MAP4K3: variants seen among roughly 807,000 people sequenced by gnomAD.
MAP4K3 encodes the protein mitogen-activated protein kinase kinase kinase kinase 3.
A neutral mutation model predicts 143.5 loss-of-function variants in MAP4K3; 94 were observed. That is an observed-to-expected ratio of 0.65 (90% confidence interval 0.55 to 0.78). The LOEUF (loss-of-function observed/expected upper bound fraction) is 0.78. Among genes scored for constraint, MAP4K3 ranks in the 30% least tolerant of loss-of-function variants. MAP4K3 has a pLI of 0.00. For synonymous variants in MAP4K3, 416 were observed against 347.2 expected (o/e 1.20, Z -2.20); for missense variants, 1,077 against 1,068.1 (o/e 1.01, Z -0.12).
At chr2:39,288,506 A>G (rs1681892583) in intron 19 of MAP4K3, among the ~76,000 whole-genome samples, 1 of 152,168 alleles carries the variant, frequency 6.6e-6, no homozygotes, top group South Asian at 2.1e-4. Context: ...GCTGCTGTGC[A>G]AATAAAAGGG....
intron 26 of MAP4K3, among the ~76,000 whole-genome samples, chr2:39,269,834 T>C (rs1680937726): frequency 6.6e-6 from 1 of 152,044 alleles, no homozygotes; most frequent in African/African-American, 2.4e-5. Context: ...AACACCTCAT[T>C]GTACCCTTGA....
intron 1 of MAP4K3, among the ~76,000 whole-genome samples, chr2:39,390,291 C>T (rs1190006162): frequency 6.6e-6 from 1 of 152,148 alleles, no homozygotes; most frequent in Non-Finnish European, 1.5e-5. Flanking sequence ...GCCAGTAGCA[C>T]CTACACTGAG....
chr2:39,282,393 T>C (rs1681575459), intron 22 of MAP4K3, 120 bp downstream of exon 22: 1 of 799,744 alleles, frequency 1.3e-6, no homozygotes, highest in Non-Finnish European at 2.1e-6. Flanking sequence ...ATTAGCAATC[T>C]TATAGATTTT....
At chr2:39,322,292 C>G (rs1189016078) in intron 12 of MAP4K3, among the ~76,000 whole-genome samples, 2 of 152,234 alleles carry the variant, frequency 1.3e-5, no homozygotes, top group East Asian at 3.9e-4. Flanking sequence ...TATTAATGAA[C>G]ATGGATGAAA....
chr2:39,431,986 T>A (rs1264181402), intron 1 of MAP4K3, among the ~76,000 whole-genome samples: 3 of 152,194 alleles, frequency 2.0e-5, no homozygotes, highest in Non-Finnish European at 4.4e-5. Flanking sequence ...AGAGAGTCTC[T>A]CAGCCAGCAA....
At chr2:39,404,724 C>G (rs924400885) in intron 1 of MAP4K3, among the ~76,000 whole-genome samples, 6 of 149,082 alleles carry the variant, frequency 4.0e-5, no homozygotes, top group Non-Finnish European at 1.5e-5. Flanking sequence ...TGGGTTCAAG[C>G]GATTCTCCTG....
At chr2:39,385,707 G>A (rs1346939431) in intron 1 of MAP4K3, among the ~76,000 whole-genome samples, 5 of 147,730 alleles carry the variant, frequency 3.4e-5, no homozygotes, top group Non-Finnish European at 7.4e-5. Context: ...TTGGCTCATT[G>A]CAACCTCCGC....
chr2:39,303,211 T>A (rs1558634234), intron 15 of MAP4K3: 2 of 166,762 alleles, frequency 1.2e-5, no homozygotes, highest in Non-Finnish European at 2.9e-5. Context: ...ATGAGAAAAT[T>A]ATGGCACAAA....
chr2:39,344,808 G>A (rs1345056598), intron 3 of MAP4K3, among the ~76,000 whole-genome samples: 1 of 152,194 alleles, frequency 6.6e-6, no homozygotes, highest in Non-Finnish European at 1.5e-5. Flanking sequence ...AGGGACCTGT[G>A]CAAAAGAATG....
chr2:39,337,699 G>T, intron 4 of MAP4K3, 118 bp from the exon 5 acceptor site: 15 of 390,404 alleles, frequency 3.8e-5, no homozygotes, highest in Middle Eastern at 9.5e-4. Context: ...CTACTGAAAT[G>T]TAAGCTAGGA....
chr2:39,311,085 T>C (rs538910687), intron 13 of MAP4K3, among the ~76,000 whole-genome samples: 1 of 152,274 alleles, frequency 6.6e-6, no homozygotes, highest in East Asian at 1.9e-4. Context: ...CTTTTTTTGG[T>C]TTTGTTTTTT....
At chr2:39,413,954 A>G (rs1558343224) in intron 1 of MAP4K3, among the ~76,000 whole-genome samples, 1 of 152,190 alleles carries the variant, frequency 6.6e-6, no homozygotes, top group African/African-American at 2.4e-5. Flanking sequence ...TTTAAGTAAG[A>G]GCATACACAC....
At position 39,254,521 on chromosome 2, in the gene MAP4K3, C is replaced by T; in HGVS notation, c.2471-1G>A. On this transcript the variant is annotated splice_acceptor_variant, in intron 31 of 33. Transcript: ENST00000263881. LOFTEE classifies it high-confidence loss of function. The stretch of plus-strand genomic sequence containing the variant: ...GCTAGCACACTGTCTTGTAGGCACA[C>T]TAGCAGGCAAGAACAGCTCAATTAC... 6.2e-7 allele frequency: 1 copy of T among 1,613,022 alleles called. No homozygotes were observed. The highest frequency in any genetic ancestry group is 8.5e-7 in the Non-Finnish European group (1 of 1,179,318).
chr2:39,280,966 C>T (rs1048897930), intron 22 of MAP4K3, among the ~76,000 whole-genome samples: 2 of 152,118 alleles, frequency 1.3e-5, no homozygotes, highest in African/African-American at 4.8e-5. Context: ...CATTTACAAA[C>T]TTTTCAGATA....
chr2:39,343,313 A>C (rs1375095075), intron 4 of MAP4K3, 75 bp downstream of exon 4: 1 of 954,038 alleles, frequency 1.0e-6, no homozygotes, highest in African/African-American at 1.7e-5. Context: ...GATAATGTTG[A>C]TGTTTTAATA....
At chr2:39,255,575 C>T (rs1396622999) in intron 31 of MAP4K3, among the ~76,000 whole-genome samples, 1 of 152,210 alleles carries the variant, frequency 6.6e-6, no homozygotes, top group Admixed American at 6.5e-5. Flanking sequence ...GTTGTTACCA[C>T]ACTACCTTAA....
chr2:39,374,051 C>G (rs1666153691), intron 2 of MAP4K3, among the ~76,000 whole-genome samples: 1 of 152,140 alleles, frequency 6.6e-6, no homozygotes. Flanking sequence ...GTGTCTGTAT[C>G]AAAATAGCTC....
At chr2:39,297,632 T>A (rs1029030011) in intron 16 of MAP4K3, among the ~76,000 whole-genome samples, 1 of 152,192 alleles carries the variant, frequency 6.6e-6, no homozygotes, top group Non-Finnish European at 1.5e-5. Flanking sequence ...TCAATGGAAA[T>A]CTGTCTGCCT....
At chr2:39,354,242 G>A (rs1481297156) in intron 3 of MAP4K3, among the ~76,000 whole-genome samples, 1 of 152,038 alleles carries the variant, frequency 6.6e-6, no homozygotes, top group African/African-American at 2.4e-5. Flanking sequence ...AGGAGATCGA[G>A]ATCATCCTGG....
Sources: allele counts gnomAD v4.1 joint callset (sites outside exome capture counted in the v4.1 genomes callset), GRCh38; gene constraint gnomAD v4.1.1; transcripts MANE v1.5; gene names NCBI Gene and HGNC (gene_info 2026-07-23, HGNC 2026-07-21).